Variants in ARHGAP32 observed in about 807,000 individuals in gnomAD.
ARHGAP32 encodes the protein Rho GTPase activating protein 32.
A neutral mutation model predicts 186.5 loss-of-function variants in ARHGAP32; 51 were observed. That is an observed-to-expected ratio of 0.27 (90% CI 0.22 to 0.35). The LOEUF (loss-of-function observed/expected upper bound fraction) is 0.35. Among genes scored for constraint, ARHGAP32 ranks in the 10% least tolerant of loss-of-function variants. The pLI is 1.00. For missense variants in ARHGAP32, 2,186 were observed against 2,623.5 expected (o/e 0.83, Z 3.64); for synonymous variants, 950 against 964.3 (o/e 0.99, Z 0.27).
intron 11 of ARHGAP32, among the ~76,000 whole-genome samples, chr11:129,037,178 T>C (rs1209920290): frequency 6.6e-6 from 1 of 152,168 alleles, no homozygotes; most frequent in African/African-American, 2.4e-5. Context: ...CTCTGAAAAC[T>C]ACAAAATATT....
chr11:129,265,127 T>C (rs1217064738), intron 1 of ARHGAP32, among the ~76,000 whole-genome samples: 2 of 152,242 alleles, frequency 1.3e-5, no homozygotes, highest in African/African-American at 4.8e-5. Flanking sequence ...CTACACTCAC[T>C]GTCAACCTGT....
intron 2 of ARHGAP32, among the ~76,000 whole-genome samples, chr11:129,154,647 G>A (rs1216069296): frequency 6.6e-6 from 1 of 152,052 alleles, no homozygotes; most frequent in African/African-American, 2.4e-5. Flanking sequence ...ACCAAATACC[G>A]TTATGTTCTT....
chr11:129,211,685 A>C (rs1435733762), intron 1 of ARHGAP32, among the ~76,000 whole-genome samples: 1 of 152,192 alleles, frequency 6.6e-6, no homozygotes, highest in African/African-American at 2.4e-5. Context: ...GACCTCCTGG[A>C]TTTCCAGAGA....
intron 2 of ARHGAP32, among the ~76,000 whole-genome samples, chr11:129,161,541 T>C (rs1157410600): frequency 2.0e-5 from 3 of 151,172 alleles, no homozygotes; most frequent in Non-Finnish European, 4.4e-5. Context: ...CCAACAAACA[T>C]GAAAAAAGCT....
chr11:129,145,503 C>T (rs1218919930), intron 2 of ARHGAP32, among the ~76,000 whole-genome samples: 2 of 151,918 alleles, frequency 1.3e-5, no homozygotes, highest in African/African-American at 4.8e-5. Context: ...GTCCCTCCAC[C>T]TGCATGTTTC....
chr11:129,064,786 T>G (rs1464948153), intron 8 of ARHGAP32, 55 bp downstream of exon 8: 7 of 1,342,298 alleles, frequency 5.2e-6, no homozygotes, highest in Non-Finnish European at 6.2e-6. Flanking sequence ...ATATCAAATT[T>G]CTTAAGTAGA....
chr11:129,220,935 A>AT (rs1944703096), intron 1 of ARHGAP32, among the ~76,000 whole-genome samples: 1 of 152,160 alleles, frequency 6.6e-6, no homozygotes, highest in South Asian at 2.1e-4. Flanking sequence ...AACATACCAA[A>AT]ACCTGAATCT....
intron 1 of ARHGAP32, among the ~76,000 whole-genome samples, chr11:129,254,063 T>C (rs1482102595): frequency 1.3e-5 from 2 of 152,124 alleles, no homozygotes; most frequent in African/African-American, 4.8e-5. Context: ...TAATTAGAAG[T>C]AAATAAGTGT....
rs548167172 is a variant in ARHGAP32 at position 129,277,433 on chromosome 11, CAA to C, written c.-5+1711_-5+1712del. ...TGGTTCTTAGTCTCTCCCTAGAAAA[CAA>C]AACAGTTACATAACTGGAGAAGGTT... is the stretch of plus-strand genomic sequence containing the variant. On this transcript the variant is annotated intron_variant, in intron 1 of 6. Transcript: ENST00000525234. Among the ~76,000 whole-genome samples, 700 of 152,314 alleles carry C rather than the reference CAA, an allele frequency of 4.6e-3. 2 individuals are homozygous for C. The highest frequency in any genetic ancestry group is 0.025 in the South Asian group (120 of 4,822).
At chr11:129,055,854 T>C (rs1455354985) in intron 10 of ARHGAP32, among the ~76,000 whole-genome samples, 1 of 152,244 alleles carries the variant, frequency 6.6e-6, no homozygotes, top group Non-Finnish European at 1.5e-5. Context: ...TACATGCTAT[T>C]ACACATTTGT....
rs1245426000 is a variant in ARHGAP32 at position 129,257,605 on chromosome 11, T to G, written c.-5+21541A>C. Among the ~76,000 whole-genome samples, 4 of 151,932 alleles carry G rather than the reference T, an allele frequency of 2.6e-5. No homozygotes were observed. The East Asian group carries it at 5.8e-4, about 22-fold the overall frequency. ...ACTGGGCAACATAACAAAACTTTGT[T>G]GCTTAAAAATAAATAATTCATTAAT... On this transcript the variant is annotated intron_variant, in intron 1 of 6. Transcript: ENST00000525234.
chr11:129,243,392 A>C (rs1222420066), intron 1 of ARHGAP32, among the ~76,000 whole-genome samples: 1 of 152,226 alleles, frequency 6.6e-6, no homozygotes, highest in Non-Finnish European at 1.5e-5. Context: ...TAACAATCAT[A>C]AATAAGTAAA....
At position 128,969,166 on chromosome 11, in the gene ARHGAP32, C is replaced by A; in HGVS notation, c.6047G>T (p.Ser2016Ile). Residue 2016 changes from serine (S) to isoleucine (I), a missense_variant, in exon 23 of 23, where the codon AGT (serine) becomes ATT (isoleucine). Ser to Ile is a moderately radical substitution (Grantham distance 142, BLOSUM62 -2). Around this residue, in one of 5 missense-constraint regions of ARHGAP32, gnomAD observed 1,502 missense variants for 1,570.0 expected, o/e 0.96. Transcript: ENST00000682385. This position sits in a 1 kb window ranked among gnomAD's most constrained non-coding sequence, Gnocchi z 4.8. ...GTGTGGTTGGTACTGGTACAGCACA[C>A]TGGGGTCCCTCTCCACGTTCTGGGT... ...HHTQNVERDP[S>I]VLYQYQPHGK... 6.2e-7 allele frequency: 1 copy of A among 1,613,210 alleles called. No individual in the cohort carries two copies. The highest frequency in any genetic ancestry group is 8.5e-7 in the Non-Finnish European group (1 of 1,179,588).
chr11:129,148,282 T>C (rs75755636), intron 2 of ARHGAP32, among the ~76,000 whole-genome samples: 7,649 of 152,160 alleles, frequency 0.05, 272 homozygotes, highest in Non-Finnish European at 0.072. Context: ...GGCAAAAAAC[T>C]GAGTTCCCAA....
Position 129,040,983 on chromosome 11 carries a change from AAC to A in ARHGAP32, c.988_989del (p.Val330Ter). On this transcript the variant is annotated frameshift_variant, in exon 11 of 23. Coordinates refer to ENST00000682385, the MANE Select transcript of ARHGAP32 (RefSeq NM_001378024.1). LOFTEE classifies it high-confidence loss of function. Reference sequence around the variant, plus strand: ...GGGGAACTTTTTGGTTAATTAACTCAACACAGTGTCCAGGGAAGAGTCCCACC... The same window carrying A: ...GGGGAACTTTTTGGTTAATTAACTCAACAGTGTCCAGGGAAGAGTCCCACC... ...FQVGLFPGHC[V>X]ELINQKVPQS... 1 of 1,603,288 alleles carries A rather than the reference AAC, an allele frequency of 6.2e-7. No homozygotes were observed. The highest frequency in any genetic ancestry group is 8.5e-7 in the Non-Finnish European group (1 of 1,174,494).
chr11:128,981,777 C>T, intron 16 of ARHGAP32, 52 bp downstream of exon 16: 2 of 1,340,208 alleles, frequency 1.5e-6, no homozygotes, highest in Admixed American at 2.0e-5. Flanking sequence ...GATGAATCAG[C>T]CTTTTATTTA....
chr11:129,045,740 C>T (rs1939779607), intron 10 of ARHGAP32, among the ~76,000 whole-genome samples: 1 of 152,088 alleles, frequency 6.6e-6, no homozygotes, highest in Admixed American at 6.6e-5. Flanking sequence ...ATTTCTAAAG[C>T]TTCAATTTAC....
At chr11:129,188,530 G>T (rs1180895982) in intron 1 of ARHGAP32, among the ~76,000 whole-genome samples, 2 of 152,102 alleles carry the variant, frequency 1.3e-5, no homozygotes, top group Non-Finnish European at 2.9e-5. Flanking sequence ...TACTTAGACT[G>T]CCACAATAGC....
intron 2 of ARHGAP32, among the ~76,000 whole-genome samples, chr11:129,144,194 A>G (rs1449884957): frequency 6.6e-6 from 1 of 152,236 alleles, no homozygotes; most frequent in Non-Finnish European, 1.5e-5. Context: ...CTTATTCAAA[A>G]TTGTTGCAGG....
Sources: gnomAD v4.1 joint callset for allele counts (sites outside exome capture counted in the v4.1 genomes callset) on GRCh38, gnomAD v4.1.1 for gene constraint, gnomAD v4.1.1 regional missense constraint, Gnocchi (gnomAD v3.1) non-coding constraint, MANE v1.5 for transcripts, NCBI Gene and HGNC (gene_info 2026-07-23, HGNC 2026-07-21) for gene names.